CTC1: variants seen among roughly 807,000 people sequenced by gnomAD.
The protein encoded by CTC1 is CST telomere replication complex component 1, also known as CST complex subunit CTC1.
CTC1 carries 91 observed loss-of-function variants against 136.3 expected under a neutral mutation model. That is an observed-to-expected ratio of 0.67 (90% CI 0.56 to 0.79). The LOEUF is 0.79. CTC1 is among the 30% of genes least tolerant of loss of function. The pLI, the probability that CTC1 is intolerant of heterozygous loss-of-function variation, is 0.00. For missense variants in CTC1, 1,432 were observed against 1,498.1 expected (o/e 0.96, Z 0.73); for synonymous variants, 606 against 613.8 (o/e 0.99, Z 0.19).
Position 8,231,416 on chromosome 17 carries a change from C to T in CTC1, c.2529G>A (p.Leu843=). The stretch of plus-strand genomic sequence containing the variant: ...GGCAGGATGCACAGCCAGCCAACTC[C>T]AGAGGACGCCGAGATATGCAGGATG... ...DGSSCISRRP[L]ELAGCASCLT... is the part of the protein sequence containing the mutation. The change falls in exon 15 of 23, where the codon CTG becomes CTA. Residue 843 remains leucine (L), a synonymous_variant. Transcript: ENST00000651323. 6.2e-7 allele frequency: 1 copy of T among 1,613,414 alleles called. No homozygotes were observed. Among genetic ancestry groups the T allele is most frequent in the Non-Finnish European group, 8.5e-7 (1 of 1,179,550 alleles).
Position 8,238,068 on chromosome 17 carries a change from G to A in CTC1, c.610C>T (p.Leu204Phe). ...AGGCAGGAAGCACTCTCTGGGTAGA[G>A]GACAGGGATAGGCGTGACGGGGCCA... ...SPGPVTPIPV[L>F]YPESASCLLR... The change falls in exon 4 of 23, where the codon CTC (leucine) becomes TTC (phenylalanine). Residue 204 changes from leucine to phenylalanine, a missense_variant. By Grantham distance (22) the Leu-to-Phe change is conservative (BLOSUM62 0). Transcript: ENST00000651323. 6.2e-7 allele frequency: 1 copy of A among 1,614,138 alleles called. No individual in the cohort carries two copies. The highest frequency in any genetic ancestry group is 8.5e-7 in the Non-Finnish European group (1 of 1,179,992).
intron 4 of CTC1, 101 bp from the exon 5 acceptor site, chr17:8,237,620 C>T (rs776873128): frequency 3.7e-5 from 28 of 766,458 alleles, no homozygotes; most frequent in Non-Finnish European, 5.2e-5. Flanking sequence ...AGCTGAGATC[C>T]CGCCATTGGA....
In CTC1 at chr17:8,238,027, T is replaced by C. The variant is rs751360780; in HGVS notation, c.647+4A>G. 5 of 1,610,364 alleles carry C rather than the reference T, an allele frequency of 3.1e-6. No individual in the cohort carries two copies. The African/African-American group carries it at 5.3e-5, about 17-fold the overall frequency. On this transcript the variant is annotated splice_donor_region_variant and intron_variant, in intron 4 of 22. Coordinates refer to ENST00000651323, the MANE Select transcript of CTC1 (RefSeq NM_025099.6). ...CCCCTGCCATGCCTAGAGGGGGAAA[T>C]TACCTGAGCCTGAGCAGGCAGGAAG...
chr17:8,231,520 G>A, intron 14 of CTC1, 51 bp from the exon 15 acceptor site: 1 of 1,518,730 alleles, frequency 6.6e-7, no homozygotes, highest in African/African-American at 1.4e-5. Flanking sequence ...TAGTCCAGTG[G>A]GAGGTTCACA....
rs1158123596 is a variant in CTC1, at chr17:8,235,239, C to T, written c.1253G>A (p.Arg418Lys). ...ACGGAGGCAGGGGGCGAGCACTGGCCTTCTTGTCCCCCCTCCCACTGACTG... is the reference window on the plus strand; with the variant it reads ...ACGGAGGCAGGGGGCGAGCACTGGCTTTCTTGTCCCCCCTCCCACTGACTG... ...LLQSVGGGTR[R>K]PVLAPCLRGA... The change falls in exon 8 of 23, where the codon AGG (arginine) becomes AAG (lysine). Residue 418 changes from arginine to lysine, a missense_variant. Physicochemically the swap from Arg to Lys is conservative, Grantham distance 26. Coordinates refer to ENST00000651323, the MANE Select transcript of CTC1 (RefSeq NM_025099.6). 1.2e-6 allele frequency: 2 copies of T among 1,614,092 alleles called. No individual in the cohort carries two copies. Among genetic ancestry groups the T allele is most frequent in the African/African-American group, 1.3e-5 (1 of 75,056 alleles).
chr17:8,234,683 G>A (rs1178468564), intron 9 of CTC1, 28 bp from the exon 10 acceptor site: 7 of 1,591,562 alleles, frequency 4.4e-6, no homozygotes, highest in African/African-American at 4.0e-5. Context: ...GAAATCGGGT[G>A]TGTGTCCCAT....
Position 8,235,100 on chromosome 17 carries a change from A to G in CTC1, c.1392T>C (p.Leu464=), listed in dbSNP as rs745855044. The change falls in exon 8 of 23, where the codon CTT becomes CTC. Residue 464 remains leucine, a synonymous_variant. Transcript: ENST00000651323. ...EQLVWERQLG[L]PLYLWATKAL... The stretch of plus-strand genomic sequence containing the variant: ...CCTTGGTAGCCCACAGGTAGAGGGG[A>G]AGTCCTAACTGACGTTCCCACACCA... 5.0e-6 allele frequency: 8 copies of G among 1,614,014 alleles called. No individual in the cohort carries two copies. The South Asian group carries it at 7.7e-5, about 16-fold the overall frequency.
Position 8,235,238 on chromosome 17 carries a change from C to A in CTC1, c.1254G>T (p.Arg418Ser). 6.2e-7 allele frequency: 1 copy of A among 1,614,074 alleles called. No individual in the cohort carries two copies. The highest frequency in any genetic ancestry group is 8.5e-7 in the Non-Finnish European group (1 of 1,180,000). Residue 418 changes from arginine (R) to serine (S), a missense_variant, in exon 8 of 23, where the codon AGG becomes AGT. Physicochemically the swap from Arg to Ser is moderately radical, Grantham distance 110 (BLOSUM62 -1). Transcript: ENST00000651323. ...CACGGAGGCAGGGGGCGAGCACTGG[C>A]CTTCTTGTCCCCCCTCCCACTGACT... ...LLQSVGGGTR[R>S]PVLAPCLRGA...
At position 8,238,094 on chromosome 17, in the gene CTC1, G is replaced by A. The variant is rs1286317676; in HGVS notation, c.584C>T (p.Pro195Leu). ...GACAGGGATAGGCGTGACGGGGCCA[G>A]GACTGATGGTCAAAGGAAACACTGG... ...PVPVFPLTIS[P>L]GPVTPIPVLY... The change falls in exon 4 of 23, where the codon CCT (proline) becomes CTT (leucine). Residue 195 changes from proline to leucine, a missense_variant. Physicochemically the swap from Pro to Leu is moderately conservative, Grantham distance 98. Transcript: ENST00000651323. 5 of 1,614,038 alleles carry A rather than the reference G, an allele frequency of 3.1e-6. No homozygotes were observed. Among genetic ancestry groups the A allele is most frequent in the Admixed American group, 1.7e-5 (1 of 59,998 alleles).
chr17:8,235,563 C>G (rs1987644194), intron 7 of CTC1, among the ~76,000 whole-genome samples: 1 of 152,114 alleles, frequency 6.6e-6, no homozygotes. Flanking sequence ...CACCCCAGCC[C>G]CAGATCTGTG....
chr17:8,229,926 C>A lies in CTC1; in HGVS notation c.2976G>T (p.Val992=). 1 of 1,614,074 alleles carries A rather than the reference C, an allele frequency of 6.2e-7. No individual in the cohort carries two copies. Among genetic ancestry groups the A allele is most frequent in the Non-Finnish European group, 8.5e-7 (1 of 1,180,008 alleles). ...TCTCAGGGGGAAAACTCAGGACCTG[C>A]ACATAAGTGGATGACCGGAAACAAC... ...VYCCFRSSTY[V]QVLSFPPETT... The change falls in exon 18 of 23, where the codon GTG becomes GTT. Residue 992 remains valine, a synonymous_variant. Transcript: ENST00000651323.
rs1446486762 is a variant in CTC1 at position 8,232,488 on chromosome 17, A to G, written c.1946-13T>C. 4 of 1,609,828 alleles carry G rather than the reference A, an allele frequency of 2.5e-6. No individual in the cohort carries two copies. The Admixed American group carries it at 6.7e-5, about 27-fold the overall frequency. On this transcript the variant is annotated splice_polypyrimidine_tract_variant and intron_variant, in intron 11 of 22. Coordinates refer to ENST00000651323, the MANE Select transcript of CTC1 (RefSeq NM_025099.6). ...CGCACCAGGCAGCCTAGAGGAAGAA[A>G]GTTTTCTGTTTTGACAAGAAAGGAG...
Position 8,229,940 on chromosome 17 carries a change from A to C in CTC1, c.2962T>G (p.Ser988Ala). The C allele has an allele frequency of 6.2e-7, 1 of 1,614,168 alleles. No homozygotes were observed. The highest frequency in any genetic ancestry group is 1.1e-5 in the South Asian group (1 of 91,084). ...RSHNVYCCFR[S>A]STYVQVLSFP... is the part of the protein sequence containing the mutation. ...CTCAGGACCTGCACATAAGTGGATG[A>C]CCGGAAACAACAATAAACATTGTGA... The change falls in exon 18 of 23, where the codon TCA becomes GCA. Residue 988 changes from serine to alanine, a missense_variant. Transcript: ENST00000651323.
chr17:8,230,663 G>A lies in CTC1; in HGVS notation c.2670-12C>T. The A allele has an allele frequency of 6.2e-7, 1 of 1,611,626 alleles. No homozygotes were observed. Among genetic ancestry groups the A allele is most frequent in the Non-Finnish European group, 8.5e-7 (1 of 1,177,682 alleles). On this transcript the variant is annotated splice_polypyrimidine_tract_variant and intron_variant, in intron 15 of 22. Transcript: ENST00000651323. ...AGGAATCTGTGAAACTGGAAGGTCA[G>A]GGAAATACACTGAGAATGGAGGCAC...
intron 1 of CTC1, among the ~76,000 whole-genome samples, chr17:8,246,720 AC>A (rs1450169742): frequency 9.2e-5 from 14 of 152,106 alleles, no homozygotes; most frequent in African/African-American, 2.4e-4. Context: ...CACCGTCTGT[AC>A]TTAAAAAAAA....
In CTC1 at chr17:8,235,966, AC is replaced by A; in HGVS notation, c.1078-8del. On this transcript the variant is annotated splice_region_variant and splice_polypyrimidine_tract_variant and intron_variant, in intron 6 of 22. Coordinates refer to ENST00000651323, the MANE Select transcript of CTC1 (RefSeq NM_025099.6). ...ACACGCCAGTGACTGCTCCCTGCAAACAGGCCGAGGTCCAGTTGACCACTAT... is the reference window on the plus strand; with the variant it reads ...ACACGCCAGTGACTGCTCCCTGCAAAAGGCCGAGGTCCAGTTGACCACTAT... 1 of 1,603,472 alleles carries A rather than the reference AC, an allele frequency of 6.2e-7. No individual in the cohort carries two copies. The highest frequency in any genetic ancestry group is 8.5e-7 in the Non-Finnish European group (1 of 1,171,666).
Position 8,230,434 on chromosome 17 carries a change from T to G in CTC1, c.2793A>C (p.Leu931=). The change falls in exon 17 of 23, where the codon CTA becomes CTC. Residue 931 remains leucine (L), a synonymous_variant. Coordinates refer to ENST00000651323, the MANE Select transcript of CTC1 (RefSeq NM_025099.6). ...NTGAMRRCVK[L]TVALETAECE... ...ATTCAGCAGTCTCAAGAGCGACTGT[T>G]AGCTTCACACACCTTCTCATGGCCC... The G allele has an allele frequency of 6.2e-7, 1 of 1,614,070 alleles. No individual in the cohort carries two copies. Among genetic ancestry groups the G allele is most frequent in the Non-Finnish European group, 8.5e-7 (1 of 1,179,976 alleles).
chr17:8,229,554 AC>A, intron 18 of CTC1, 108 bp from the exon 19 acceptor site: 1 of 916,778 alleles, frequency 1.1e-6, no homozygotes, highest in East Asian at 2.4e-5. Context: ...CAGGATGGGG[AC>A]AGCAGTGGGT....
intron 1 of CTC1, among the ~76,000 whole-genome samples, chr17:8,244,137 G>A (rs1408478044): frequency 6.6e-6 from 1 of 152,202 alleles, no homozygotes; most frequent in Non-Finnish European, 1.5e-5. Flanking sequence ...ATAGTGGACA[G>A]TACATAAAAA....
Sources: gnomAD v4.1 joint callset for allele counts (sites outside exome capture counted in the v4.1 genomes callset) on GRCh38, gnomAD v4.1.1 for gene constraint, MANE v1.5 for transcripts, NCBI Gene and HGNC (gene_info 2026-07-23, HGNC 2026-07-21) for gene names.